Variants in LEPR observed in about 807,000 individuals in gnomAD.
The protein encoded by LEPR is leptin receptor, also known as OB receptor.
A neutral mutation model predicts 114.7 loss-of-function variants in LEPR; 56 were observed. The observed-to-expected ratio is 0.49, with a 90% confidence interval of 0.39 to 0.61. The LOEUF (loss-of-function observed/expected upper bound fraction) is 0.61, where lower values mean the gene tolerates loss of function less well. Among genes scored for constraint, LEPR ranks in the 20% least tolerant of loss-of-function variants. The pLI, the probability that LEPR is intolerant of heterozygous loss-of-function variation, is 0.00. For missense variants in LEPR, 1,202 were observed against 1,352.9 expected, an observed-to-expected ratio of 0.89 and a Z score of 1.75; for synonymous variants, 443 against 461.4, an observed-to-expected ratio of 0.96 and a Z score of 0.51.
intron 2 of LEPR, among the ~76,000 whole-genome samples, chr1:65,464,951 T>C (rs1646991305): frequency 6.6e-6 from 1 of 151,978 alleles, no homozygotes. Context: ...GCGGTCTATT[T>C]TGTTGATCAT....
intron 5 of LEPR, 111 bp downstream of exon 5, chr1:65,572,560 T>A: frequency 1.8e-6 from 2 of 1,141,130 alleles, no homozygotes; most frequent in South Asian, 3.0e-5. Flanking sequence ...TCCTATTATA[T>A]GTTTTATTTT....
chr1:65,513,273 AG>A (rs1238550467), intron 2 of LEPR, among the ~76,000 whole-genome samples: 2 of 152,204 alleles, frequency 1.3e-5, no homozygotes, highest in African/African-American at 4.8e-5. Flanking sequence ...CTCTGCCAAA[AG>A]GGAATAAATA....
chr1:65,528,046 A>G (rs991717678), intron 2 of LEPR, among the ~76,000 whole-genome samples: 3 of 152,088 alleles, frequency 2.0e-5, no homozygotes, highest in Admixed American at 1.3e-4. Flanking sequence ...TCAGCAATTT[A>G]CTGAGAAAAA....
Position 65,557,667 on chromosome 1 carries a change from G to C in LEPR, c.-20-7879G>C, listed in dbSNP as rs191608159. 1.1e-3 allele frequency among the ~76,000 whole-genome samples: 170 copies of C among 152,240 alleles called. 1 individual carries two copies. The highest frequency in any genetic ancestry group is 3.1e-3 in the Admixed American group (47 of 15,294). ...ACTCCCGACCTCAAGTGATCCACCCGCCTTGGCCTCCCAAAGTGCTGGGAT... is the reference window on the plus strand; with the variant it reads ...ACTCCCGACCTCAAGTGATCCACCCCCCTTGGCCTCCCAAAGTGCTGGGAT... On this transcript the variant is annotated intron_variant, in intron 2 of 19. Transcript: ENST00000349533.
intron 11 of LEPR, 120 bp downstream of exon 11, chr1:65,605,357 C>A: frequency 7.7e-7 from 1 of 1,299,364 alleles, no homozygotes; most frequent in South Asian, 1.2e-5. Context: ...AAAAATTGTT[C>A]CTGTTTACAG....
chr1:65,434,049 A>G (rs927448029), intron 2 of LEPR: 3 of 985,340 alleles, frequency 3.0e-6, no homozygotes, highest in Non-Finnish European at 2.4e-6. Flanking sequence ...GCTTATACAC[A>G]TTTTCAATAA....
At chr1:65,608,231 A>T (rs946263622) in intron 11 of LEPR, among the ~76,000 whole-genome samples, 1 of 146,630 alleles carries the variant, frequency 6.8e-6, no homozygotes, top group Non-Finnish European at 1.5e-5. Flanking sequence ...TCAGCATGGT[A>T]TCTTTTTTTT....
At chr1:65,529,279 C>T (rs1018160560) in intron 2 of LEPR, among the ~76,000 whole-genome samples, 2 of 151,878 alleles carry the variant, frequency 1.3e-5, no homozygotes, top group African/African-American at 2.4e-5. Flanking sequence ...CTAGCATTTT[C>T]GGAGGCTGAG....
intron 2 of LEPR, among the ~76,000 whole-genome samples, chr1:65,529,537 AAGGAAGGG>A (rs1372630277): frequency 1.7e-5 from 2 of 114,610 alleles, no homozygotes; most frequent in African/African-American, 3.3e-5. Flanking sequence ...AAAAGAAAGG[AAGGAAGGG>A]AGGAAGGGAG....
At chr1:65,431,736 A>G in intron 2 of LEPR, 1 of 1,496,462 alleles carries the variant, frequency 6.7e-7, no homozygotes, top group Non-Finnish European at 9.1e-7. Context: ...TGCAGAAAAT[A>G]ATAGGGATTG....
intron 5 of LEPR, among the ~76,000 whole-genome samples, chr1:65,590,286 A>G (rs1029404140): frequency 6.6e-6 from 1 of 151,022 alleles, no homozygotes; most frequent in Non-Finnish European, 1.5e-5. Context: ...ATATCTGTAG[A>G]CTGTGTAGCA....
intron 2 of LEPR, among the ~76,000 whole-genome samples, chr1:65,488,155 C>T (rs867786755): frequency 1.3e-4 from 11 of 83,720 alleles, no homozygotes; most frequent in East Asian, 5.7e-4. Context: ...TTCCTTCCTT[C>T]CTTCCTTTCT....
In LEPR at chr1:65,493,222, C is replaced by T. The variant is rs191505087; in HGVS notation, c.-21+67844C>T. On this transcript the variant is annotated intron_variant, in intron 2 of 19. Coordinates refer to ENST00000349533, the MANE Select transcript of LEPR (RefSeq NM_002303.6). ...TTTCAGGTACTTTTTTGTATTTTGT[C>T]GATTCTTCCCGGACGCTGCCAGTTT... Among the ~76,000 whole-genome samples the T allele has an allele frequency of 1.9e-4, 29 of 152,050 alleles. No individual in the cohort carries two copies. In the East Asian group the frequency reaches 4.4e-3, roughly 23 times the overall value.
chr1:65,481,824 A>C, intron 2 of LEPR, among the ~76,000 whole-genome samples: 1 of 135,860 alleles, frequency 7.4e-6, no homozygotes, highest in East Asian at 2.0e-4. Context: ...AATGTTACTA[A>C]AAAAAAAAAA....
intron 5 of LEPR, among the ~76,000 whole-genome samples, chr1:65,586,891 A>ATG (rs1406686266): frequency 1.3e-5 from 2 of 152,048 alleles, no homozygotes; most frequent in Admixed American, 1.3e-4. Context: ...AAGGATATAT[A>ATG]CTCTATATGA....
rs1655789449 is a variant in LEPR at position 65,592,715 on chromosome 1, C to T, written c.553C>T (p.His185Tyr). Residue 185 changes from histidine to tyrosine, a missense_variant, in exon 6 of 20, where the codon CAC becomes TAC. His to Tyr is a moderately conservative substitution (Grantham distance 83). Coordinates refer to ENST00000349533, the MANE Select transcript of LEPR (RefSeq NM_002303.6). ...VPQKGSFQMVHCNCSVHECCE... is the reference protein window; with the variant it reads ...VPQKGSFQMVYCNCSVHECCE... ...CCAAAAAGGCAGTTTTCAGATGGTT[C>T]ACTGCAATTGCAGTGTTCATGAATG... 1 of 1,613,144 alleles carries T rather than the reference C, an allele frequency of 6.2e-7. No individual in the cohort carries two copies.
At chr1:65,604,348 A>T (rs11208685) in intron 10 of LEPR, among the ~76,000 whole-genome samples, 36,369 of 151,774 alleles carry the variant, frequency 0.24, 5,369 homozygotes, top group East Asian at 0.78. Context: ...AATTTAATTT[A>T]ATTTTATTTT....
At chr1:65,529,854 GC>G (rs1464827105) in intron 2 of LEPR, among the ~76,000 whole-genome samples, 1 of 151,994 alleles carries the variant, frequency 6.6e-6, no homozygotes, top group Non-Finnish European at 1.5e-5. Context: ...TTCTTCACTG[GC>G]TGCTCCTTTC....
At chr1:65,525,858 C>T (rs1355476164) in intron 2 of LEPR, 1 of 979,578 alleles carries the variant, frequency 1.0e-6, no homozygotes, top group Non-Finnish European at 1.2e-6. Context: ...CTATTGCCAC[C>T]TCTTCCCGCT....
Sources: allele counts gnomAD v4.1 joint callset (sites outside exome capture counted in the v4.1 genomes callset), GRCh38; gene constraint gnomAD v4.1.1; transcripts MANE v1.5; gene names NCBI Gene and HGNC (gene_info 2026-07-23, HGNC 2026-07-21).